Variants in SPICE1 observed in about 807,000 individuals in gnomAD.
The protein encoded by SPICE1 is spindle and centriole associated protein 1, also known as spindle and centriole-associated protein 1.
SPICE1 carries 75 observed loss-of-function variants against 102.7 expected under a neutral mutation model. The ratio of observed to expected loss-of-function variants is 0.73; its 90% CI spans 0.61 to 0.88. The LOEUF (loss-of-function observed/expected upper bound fraction) is 0.88, where lower values mean the gene tolerates loss of function less well. Among genes scored for constraint, SPICE1 ranks in the 40% least tolerant of loss-of-function variants. The pLI, the probability that SPICE1 is intolerant of heterozygous loss-of-function variation, is 0.00. For missense variants in SPICE1, 979 were observed against 1,020.1 expected (o/e 0.96, Z 0.55); for synonymous variants, 308 against 350.3 (o/e 0.88, Z 1.35).
At chr3:113,491,641 A>AT (rs1936770269) in intron 6 of SPICE1, among the ~76,000 whole-genome samples, 1 of 151,076 alleles carries the variant, frequency 6.6e-6, no homozygotes, top group African/African-American at 2.4e-5. Flanking sequence ...AAAAAAAAAA[A>AT]AAAAAAAAGA....
intron 7 of SPICE1, among the ~76,000 whole-genome samples, chr3:113,484,081 C>T (rs1036053292): frequency 3.3e-5 from 5 of 152,114 alleles, no homozygotes; most frequent in Non-Finnish European, 7.4e-5. Context: ...TTCAGGGATT[C>T]GACTTCTTCT....
intron 1 of SPICE1, 48 bp downstream of exon 1, chr3:113,514,849 C>T (rs1937292402): frequency 2.4e-6 from 3 of 1,232,500 alleles, no homozygotes; most frequent in African/African-American, 1.6e-5. Context: ...ACTCGAGGTG[C>T]TCTGGCGCCA....
intron 7 of SPICE1, among the ~76,000 whole-genome samples, chr3:113,470,601 TC>T (rs1936171871): frequency 6.6e-6 from 1 of 152,224 alleles, no homozygotes; most frequent in Non-Finnish European, 1.5e-5. Context: ...TTTCTCAGCC[TC>T]TGGTAACCAT....
chr3:113,496,871 C>T (rs561847968), intron 4 of SPICE1, among the ~76,000 whole-genome samples: 1 of 152,176 alleles, frequency 6.6e-6, no homozygotes, highest in African/African-American at 2.4e-5. Context: ...AAGAATTTAT[C>T]CTGAAAATAT....
intron 7 of SPICE1, among the ~76,000 whole-genome samples, chr3:113,480,936 A>AAAGAAAGG (rs1439355282): frequency 1.1e-4 from 3 of 26,206 alleles, no homozygotes; most frequent in African/African-American, 2.1e-4. Flanking sequence ...AAGAAAAAAG[A>AAAGAAAGG]CCTCAGTACT....
chr3:113,450,574 C>A, intron 14 of SPICE1, 58 bp from the exon 15 acceptor site: 1 of 1,473,288 alleles, frequency 6.8e-7, no homozygotes, highest in South Asian at 1.4e-5. Context: ...AAAATCTCTC[C>A]CACGATTTTT....
Position 113,489,054 on chromosome 3 carries a change from C to T in SPICE1, c.502G>A (p.Asp168Asn). 1 of 1,594,694 alleles carries T rather than the reference C, an allele frequency of 6.3e-7. No homozygotes were observed. Among genetic ancestry groups the T allele is most frequent in the Non-Finnish European group, 8.6e-7 (1 of 1,162,680 alleles). Residue 168 changes from aspartate to asparagine, a missense_variant, in exon 7 of 18, where the codon GAT (aspartate) becomes AAT (asparagine). By Grantham distance (23) the Asp-to-Asn change is conservative. Coordinates refer to ENST00000295872, the MANE Select transcript of SPICE1 (RefSeq NM_144718.4). The part of the protein sequence containing the change: ...ESVIEPQALN[D>N]VDGEEEGTVN... Reference sequence around the variant, plus strand: ...GTTCCTTCTTCTTCACCATCTACATCATTAAGAGCCTGTCTCAACACAACA... The same window carrying T: ...GTTCCTTCTTCTTCACCATCTACATTATTAAGAGCCTGTCTCAACACAACA...
At chr3:113,481,220 C>A (rs1936492332) in intron 7 of SPICE1, among the ~76,000 whole-genome samples, 1 of 152,084 alleles carries the variant, frequency 6.6e-6, no homozygotes, top group African/African-American at 2.4e-5. Flanking sequence ...CAAGGCAACA[C>A]ATGGAAATCA....
chr3:113,465,519 A>C (rs752680539), intron 11 of SPICE1, 134 bp downstream of exon 11: 5 of 709,830 alleles, frequency 7.0e-6, no homozygotes, highest in Non-Finnish European at 1.1e-5. Flanking sequence ...AATACCTGCC[A>C]CTGATGATAA....
chr3:113,460,656 C>A lies in SPICE1; in HGVS notation c.1396G>T (p.Glu466Ter). The A allele has an allele frequency of 6.2e-7, 1 of 1,613,868 alleles. No homozygotes were observed. Among genetic ancestry groups the A allele is most frequent in the Non-Finnish European group, 8.5e-7 (1 of 1,179,886 alleles). The change falls in exon 12 of 18, where the codon GAA (glutamate) becomes TAA (stop). Residue 466 changes from glutamate (E) to a stop codon, truncating the protein, a stop_gained. Transcript: ENST00000295872. LOFTEE classifies it high-confidence loss of function. ...INNRQEIQAS[E>*]SGATGRRVMD... The stretch of plus-strand genomic sequence containing the variant: ...ACTCTTCTACCTGTGGCTCCGCTTT[C>A]TGATGCCTGAATTTCTTGTCTGTTA...
In SPICE1 at chr3:113,444,316, A is replaced by G. The variant is rs1422555823; in HGVS notation, c.*991T>C. 1 of 152,228 alleles carries G rather than the reference A, an allele frequency of 6.6e-6. No homozygotes were observed. Among genetic ancestry groups the G allele is most frequent in the East Asian group, 1.9e-4 (1 of 5,198 alleles). The allele number at this position is 152,228 out of a possible 1,614,324, so 9.4% of individuals were successfully genotyped here. A position where few individuals can be genotyped will look rare whatever the true frequency, so the allele number is the denominator to read the frequency against. Reference sequence around the variant, plus strand: ...GGAGTTCGAGATCAGCCTGGCCAACATGGTGAAACCCCGTCTCTACTGAAA... The same window carrying G: ...GGAGTTCGAGATCAGCCTGGCCAACGTGGTGAAACCCCGTCTCTACTGAAA... On this transcript the variant is annotated 3_prime_UTR_variant, in exon 18 of 18. Coordinates refer to ENST00000295872, the MANE Select transcript of SPICE1 (RefSeq NM_144718.4).
intron 13 of SPICE1, 126 bp from the exon 14 acceptor site, chr3:113,454,076 G>T: frequency 2.3e-6 from 2 of 864,674 alleles, no homozygotes; most frequent in South Asian, 1.9e-5. Flanking sequence ...GCTTCTGAAT[G>T]CTTAAACTAT....
At chr3:113,477,390 G>T (rs1234890159) in intron 7 of SPICE1, among the ~76,000 whole-genome samples, 1 of 152,004 alleles carries the variant, frequency 6.6e-6, no homozygotes, top group East Asian at 1.9e-4. Context: ...ATTCCTCAGG[G>T]ATCTAGAACT....
chr3:113,447,416 A>G (rs1211345281), intron 16 of SPICE1, among the ~76,000 whole-genome samples: 1 of 152,200 alleles, frequency 6.6e-6, no homozygotes, highest in African/African-American at 2.4e-5. Context: ...CATAGCTTAC[A>G]TCAGGGTTCA....
chr3:113,452,907 G>A (rs1935689945), intron 14 of SPICE1, among the ~76,000 whole-genome samples: 1 of 152,138 alleles, frequency 6.6e-6, no homozygotes, highest in African/African-American at 2.4e-5. Context: ...GAACCCGGGA[G>A]GCAGAGGTTG....
chr3:113,446,611 G>A lies in SPICE1; in HGVS notation c.2492C>T (p.Thr831Ile), dbSNP rs768691448. 2 of 1,613,628 alleles carry A rather than the reference G, an allele frequency of 1.2e-6. No homozygotes were observed. The highest frequency in any genetic ancestry group is 2.2e-5 in the East Asian group (1 of 44,864). Residue 831 changes from threonine to isoleucine, a missense_variant, in exon 17 of 18, where the codon ACA becomes ATA. Thr to Ile is a moderately conservative substitution (Grantham distance 89). Coordinates refer to ENST00000295872, the MANE Select transcript of SPICE1 (RefSeq NM_144718.4). ...TACCTTTGCTCTTGGATTAAGAGGT[G>A]TGAATCTCCCACTTCCTGAGGTGGC... is the stretch of plus-strand genomic sequence containing the variant. ...LNATSGSGRF[T>I]PLNPRAKIEK...
chr3:113,512,877 G>A (rs1937248020), intron 1 of SPICE1, among the ~76,000 whole-genome samples: 1 of 152,092 alleles, frequency 6.6e-6, no homozygotes, highest in Non-Finnish European at 1.5e-5. Context: ...GCACACACCA[G>A]GCACTGGCTA....
In SPICE1 at chr3:113,475,292, A is replaced by T. The variant is rs146716021; in HGVS notation, c.612-6054T>A. ...GGCTCTGAAATAGTGGCAATAATCA[A>T]TAGCTTACCAATCAAAAAGAGTCAA... On this transcript the variant is annotated intron_variant, in intron 7 of 17. Transcript: ENST00000295872. Among the ~76,000 whole-genome samples the T allele has an allele frequency of 8.1e-3, 1,239 of 152,342 alleles. 14 individuals are homozygous for T. Among genetic ancestry groups the T allele is most frequent in the African/African-American group, 0.028 (1,161 of 41,582 alleles).
At chr3:113,482,029 AAC>A (rs1386651460) in intron 7 of SPICE1, among the ~76,000 whole-genome samples, 1 of 152,192 alleles carries the variant, frequency 6.6e-6, no homozygotes, top group Admixed American at 6.5e-5. Flanking sequence ...CACTCCCACC[AAC>A]AGTGTAAAAG....
Sources: allele counts gnomAD v4.1 joint callset (sites outside exome capture counted in the v4.1 genomes callset), GRCh38; gene constraint gnomAD v4.1.1; transcripts MANE v1.5; gene names NCBI Gene and HGNC (gene_info 2026-07-23, HGNC 2026-07-21).